Variants in CSMD1 observed in about 807,000 individuals in gnomAD.
The protein encoded by CSMD1 is CUB and sushi domain-containing protein 1.
In CSMD1, 213 loss-of-function variants were observed where a neutral mutation model predicts 417.5. That is an observed-to-expected ratio of 0.51 (90% CI 0.46 to 0.57). The LOEUF (loss-of-function observed/expected upper bound fraction) is 0.57. CSMD1 is among the 20% of genes least tolerant of loss of function. CSMD1 has a pLI of 0.00. For missense variants in CSMD1, 6,923 were observed against 4,529.7 expected (o/e 1.53, Z -15.17); for synonymous variants, 2,862 against 1,736.8 (o/e 1.65, Z -16.11).
chr8:3,804,368 T>G (rs1800616666), intron 5 of CSMD1, among the ~76,000 whole-genome samples: 1 of 152,136 alleles, frequency 6.6e-6, no homozygotes, highest in African/African-American at 2.4e-5. Context: ...AAATACCCAG[T>G]GTGAATTAAC....
Position 2,976,222 on chromosome 8 carries a change from GA to G in CSMD1, c.8567-1599del, listed in dbSNP as rs113816097. On this transcript the variant is annotated intron_variant, in intron 55 of 69. Coordinates refer to ENST00000635120, the MANE Select transcript of CSMD1 (RefSeq NM_033225.6). ...GGAATGTGAGGGAAACTCACTTGGA[GA>G]AAAAAAAAAAAACTGCAACACTAAC... Among the ~76,000 whole-genome samples the G allele has an allele frequency of 8.2e-3, 1,133 of 137,502 alleles. 11 individuals are homozygous for G. Among genetic ancestry groups the G allele is most frequent in the African/African-American group, 0.024 (899 of 37,628 alleles). 90.2% of individuals were successfully genotyped at this position (137,502 alleles called of 152,430 possible). A position where few individuals can be genotyped will look rare whatever the true frequency, so the allele number is the denominator to read the frequency against.
intron 3 of CSMD1, among the ~76,000 whole-genome samples, chr8:4,409,613 T>C (rs1796533694): frequency 6.6e-6 from 1 of 150,662 alleles, no homozygotes; most frequent in Non-Finnish European, 1.5e-5. Flanking sequence ...CTTAGAAGAG[T>C]ATAGATTCAT....
chr8:4,008,408 T>C (rs1421463707), intron 4 of CSMD1, among the ~76,000 whole-genome samples: 1 of 151,562 alleles, frequency 6.6e-6, no homozygotes, highest in Non-Finnish European at 1.5e-5. Flanking sequence ...TAATATGTAT[T>C]ATATAATTTT....
intron 17 of CSMD1, among the ~76,000 whole-genome samples, chr8:3,392,747 T>C (rs1235482205): frequency 6.6e-6 from 1 of 152,106 alleles, no homozygotes; most frequent in Non-Finnish European, 1.5e-5. Context: ...CCCAGGGATG[T>C]GTTAGTGCAC....
intron 3 of CSMD1, among the ~76,000 whole-genome samples, chr8:4,225,413 G>C (rs897579882): frequency 6.6e-6 from 1 of 151,194 alleles, no homozygotes; most frequent in Non-Finnish European, 1.5e-5. Context: ...CTCTAGATAA[G>C]AACATTTTCA....
At chr8:4,610,861 C>G (rs1013985100) in intron 2 of CSMD1, among the ~76,000 whole-genome samples, 1 of 152,078 alleles carries the variant, frequency 6.6e-6, no homozygotes, top group Non-Finnish European at 1.5e-5. Context: ...AAACCTTATA[C>G]GATTTCGTTT....
intron 1 of CSMD1, among the ~76,000 whole-genome samples, chr8:4,905,558 A>G (rs28712696): frequency 0.072 from 10,986 of 152,054 alleles, 957 homozygotes; most frequent in African/African-American, 0.2. Context: ...AGTGGCTCAC[A>G]TCTGTAATCC....
intron 2 of CSMD1, among the ~76,000 whole-genome samples, chr8:4,510,536 C>G (rs542953601): frequency 6.6e-6 from 1 of 151,814 alleles, no homozygotes; most frequent in South Asian, 2.1e-4. Flanking sequence ...CTCTTCCCTA[C>G]TCAAAGCAAT....
intron 3 of CSMD1, among the ~76,000 whole-genome samples, chr8:4,311,334 A>G (rs1798553657): frequency 6.6e-6 from 1 of 152,234 alleles, no homozygotes; most frequent in African/African-American, 2.4e-5. Flanking sequence ...AAGGAATGCG[A>G]TCAAGTCCTT....
chr8:3,838,950 A>ATATC (rs1379453456), intron 5 of CSMD1, among the ~76,000 whole-genome samples: 1 of 111,898 alleles, frequency 8.9e-6, no homozygotes, highest in Admixed American at 1.1e-4. Context: ...TAAAAAATTA[A>ATATC]TATCTATAAA....
At position 3,177,360 on chromosome 8, in the gene CSMD1, C is replaced by T. The variant is rs546563938; in HGVS notation, c.5725+3750G>A. On this transcript the variant is annotated intron_variant, in intron 37 of 69. Transcript: ENST00000635120. ...AGCCCCCAGTGCAGAGGCTCTGTGA[C>T]GAGAAGGGCGTGAAACACCATGCAT... is the stretch of plus-strand genomic sequence containing the variant. 9.2e-5 allele frequency among the ~76,000 whole-genome samples: 14 copies of T among 152,282 alleles called. No individual in the cohort carries two copies. In the South Asian group the frequency reaches 1.4e-3, roughly 16 times the overall value.
intron 7 of CSMD1, among the ~76,000 whole-genome samples, chr8:3,625,425 C>T (rs1796444906): frequency 6.6e-6 from 1 of 151,876 alleles, no homozygotes; most frequent in African/African-American, 2.4e-5. Context: ...TTTTGTCTGG[C>T]CCCTCTTTCC....
chr8:4,408,189 A>G (rs1004311467), intron 3 of CSMD1, among the ~76,000 whole-genome samples: 4 of 152,236 alleles, frequency 2.6e-5, no homozygotes, highest in African/African-American at 7.2e-5. Context: ...TATACAAATC[A>G]GTGTTGCAAG....
In CSMD1 at chr8:4,101,554, T is replaced by C. The variant is rs1395875279; in HGVS notation, c.416-69455A>G. Among the ~76,000 whole-genome samples, 5 of 152,336 alleles carry C rather than the reference T, an allele frequency of 3.3e-5. No individual in the cohort carries two copies. The South Asian group carries it at 6.2e-4, about 19-fold the overall frequency. On this transcript the variant is annotated intron_variant, in intron 3 of 69. Transcript: ENST00000635120. ...ACATACCTAAAAAATTATGGATGTG[T>C]AGGAAGTTTCTTAATTTTACAGAAG...
chr8:3,414,398 C>G (rs1357511563), intron 12 of CSMD1, among the ~76,000 whole-genome samples: 1 of 152,022 alleles, frequency 6.6e-6, no homozygotes, highest in Admixed American at 6.6e-5. Flanking sequence ...ATACATCACA[C>G]AGAAATTTTC....
chr8:4,751,248 T>C (rs1168031697), intron 1 of CSMD1, among the ~76,000 whole-genome samples: 1 of 151,944 alleles, frequency 6.6e-6, no homozygotes, highest in Non-Finnish European at 1.5e-5. Flanking sequence ...AGGCAGACAT[T>C]GTGGCACGCA....
At chr8:4,850,556 C>T (rs771616793) in intron 1 of CSMD1, among the ~76,000 whole-genome samples, 7 of 152,074 alleles carry the variant, frequency 4.6e-5, no homozygotes, top group Non-Finnish European at 1.0e-4. Context: ...CCCCAGCACT[C>T]TCTCCCAGGA....
intron 3 of CSMD1, among the ~76,000 whole-genome samples, chr8:4,115,418 C>G (rs1381147445): frequency 6.6e-6 from 1 of 152,164 alleles, no homozygotes. Context: ...TCCTATGATT[C>G]ATTTTATAGT....
intron 7 of CSMD1, 64 bp downstream of exon 7, chr8:3,708,350 G>C: frequency 7.2e-7 from 1 of 1,383,500 alleles, no homozygotes. Flanking sequence ...CTTCTTAACT[G>C]CTCCATTCTC....
Sources: gnomAD v4.1 joint callset for allele counts (sites outside exome capture counted in the v4.1 genomes callset) on GRCh38, gnomAD v4.1.1 for gene constraint, MANE v1.5 for transcripts, NCBI Gene and HGNC (gene_info 2026-07-23, HGNC 2026-07-21) for gene names.